The following GMCL1 variants were observed in gnomAD, a reference collection of about 807,000 sequenced individuals.
GMCL1 encodes germ cell-less 1, spermatogenesis associated.
GMCL1 carries 54 observed loss-of-function variants against 75.5 expected under a neutral mutation model. That is an observed-to-expected ratio of 0.71 (90% CI 0.57 to 0.90). The LOEUF is 0.90. Among genes scored for constraint, GMCL1 ranks in the 40% least tolerant of loss-of-function variants. The probability of loss-of-function intolerance (pLI) is 0.00; values close to 1 mark genes in which losing one functional copy is unlikely to be tolerated. For synonymous variants in GMCL1, 210 were observed against 209.6 expected, an observed-to-expected ratio of 1.00 and a Z score of -0.02; for missense variants, 537 against 622.7, an observed-to-expected ratio of 0.86 and a Z score of 1.47.
At chr2:69,832,966 C>T (rs1674716448) in intron 1 of GMCL1, among the ~76,000 whole-genome samples, 1 of 152,108 alleles carries the variant, frequency 6.6e-6, no homozygotes. Context: ...GGAATAGGTG[C>T]CCCCACCCCT....
chr2:69,866,800 T>C (rs976245263), intron 11 of GMCL1, among the ~76,000 whole-genome samples: 1 of 151,972 alleles, frequency 6.6e-6, no homozygotes, highest in African/African-American at 2.4e-5. Context: ...ATGTTCAGAG[T>C]ATAAAAGAAT....
At chr2:69,875,616 T>G (rs1459905127) in intron 13 of GMCL1, among the ~76,000 whole-genome samples, 1 of 152,210 alleles carries the variant, frequency 6.6e-6, no homozygotes, top group East Asian at 1.9e-4. Context: ...AGGTCTTCCC[T>G]TATGTCTGTC....
intron 8 of GMCL1, among the ~76,000 whole-genome samples, chr2:69,850,850 C>A (rs1229503065): frequency 6.6e-6 from 1 of 152,174 alleles, no homozygotes; most frequent in Non-Finnish European, 1.5e-5. Flanking sequence ...CTAGCAGCAA[C>A]ACGCCACTGT....
At chr2:69,845,394 G>A (rs12465485) in intron 6 of GMCL1, among the ~76,000 whole-genome samples, 4,561 of 152,236 alleles carry the variant, frequency 0.03, 453 homozygotes, top group Admixed American at 0.2. Context: ...GAAATATGGC[G>A]GTGACAATGA....
At chr2:69,849,466 T>C (rs771619749) in intron 7 of GMCL1, among the ~76,000 whole-genome samples, 186 bp from the exon 8 acceptor site, 5 of 152,192 alleles carry the variant, frequency 3.3e-5, no homozygotes, top group South Asian at 2.1e-4. Context: ...CACCCAGCCA[T>C]TGGACTATGA....
intron 4 of GMCL1, among the ~76,000 whole-genome samples, chr2:69,841,939 G>A (rs1290567423): frequency 6.6e-6 from 1 of 152,168 alleles, no homozygotes; most frequent in Non-Finnish European, 1.5e-5. Flanking sequence ...TTGCAGAAGA[G>A]GGGGGCAGAA....
chr2:69,831,565 CT>C (rs1674672718), intron 1 of GMCL1, among the ~76,000 whole-genome samples: 1 of 151,018 alleles, frequency 6.6e-6, no homozygotes, highest in African/African-American at 2.4e-5. Flanking sequence ...ACCCTGTAAC[CT>C]TTTTGAAGCG....
chr2:69,830,199 G>A (rs1050476902), intron 1 of GMCL1, 47 bp downstream of exon 1: 5 of 1,524,088 alleles, frequency 3.3e-6, no homozygotes, highest in Non-Finnish European at 4.4e-6. Flanking sequence ...GCACCTGTTG[G>A]GCCTGGGGCC....
chr2:69,841,764 T>C (rs961600329), intron 4 of GMCL1, among the ~76,000 whole-genome samples: 3 of 152,182 alleles, frequency 2.0e-5, no homozygotes, highest in Non-Finnish European at 2.9e-5. Flanking sequence ...AAAGTTACAT[T>C]TTCACACAGA....
chr2:69,849,699 G>C lies in GMCL1; in HGVS notation c.891G>C (p.Gln297His). 1 of 1,593,172 alleles carries C rather than the reference G, an allele frequency of 6.3e-7. No homozygotes were observed. Among genetic ancestry groups the C allele is most frequent in the Non-Finnish European group, 8.5e-7 (1 of 1,170,882 alleles). The change falls in exon 8 of 14, where the codon CAG (glutamine) becomes CAC (histidine). Residue 297 changes from glutamine (Q) to histidine (H), a missense_variant. By Grantham distance (24) the Gln-to-His change is conservative (BLOSUM62 0). Around this residue, in one of 3 missense-constraint regions of GMCL1, gnomAD observed 345 missense variants for 410.5 expected, o/e 0.84. Transcript: ENST00000282570. Reference sequence around the variant, plus strand: ...CTTCTTGGAATGGATCTTTAAAACAGCTTTTGACAGAAACAGATGTCTGGT... The same window carrying C: ...CTTCTTGGAATGGATCTTTAAAACACCTTTTGACAGAAACAGATGTCTGGT... Reference protein sequence around the residue: ...LVPSWNGSLKQLLTETDVWFS... With the variant: ...LVPSWNGSLKHLLTETDVWFS...
At chr2:69,857,352 A>T (rs1159873733) in intron 9 of GMCL1, among the ~76,000 whole-genome samples, 1 of 152,210 alleles carries the variant, frequency 6.6e-6, no homozygotes. Context: ...ACTGCAGATC[A>T]TCCTACAGCT....
At chr2:69,834,707 C>T (rs1315634704) in intron 1 of GMCL1, among the ~76,000 whole-genome samples, 2 of 152,044 alleles carry the variant, frequency 1.3e-5, no homozygotes, top group Non-Finnish European at 2.9e-5. Context: ...CTTTTAATGG[C>T]CTTGGTACTT....
In GMCL1 at chr2:69,871,780, T is replaced by TA; in HGVS notation, c.1402dup (p.Ile468AsnfsTer3). 1 of 1,590,956 alleles carries TA rather than the reference T, an allele frequency of 6.3e-7. No homozygotes were observed. The highest frequency in any genetic ancestry group is 1.1e-5 in the South Asian group (1 of 87,052). ...GCTTCTTTTGATAGTAGTGGAAAACTAATATGTAGTAGAACAACTGGCTAT... is the reference window on the plus strand; with the variant it reads ...GCTTCTTTTGATAGTAGTGGAAAACTAAATATGTAGTAGAACAACTGGCTAT... On this transcript the variant is annotated frameshift_variant, in exon 13 of 14. Transcript: ENST00000282570. LOFTEE classifies it high-confidence loss of function.
chr2:69,836,729 A>G (rs1674828646), intron 1 of GMCL1, among the ~76,000 whole-genome samples: 2 of 152,202 alleles, frequency 1.3e-5, no homozygotes, highest in African/African-American at 4.8e-5. Context: ...TAGTTACTGG[A>G]TCATTTTGAG....
intron 13 of GMCL1, among the ~76,000 whole-genome samples, chr2:69,872,908 T>C (rs1301562410): frequency 1.3e-5 from 2 of 152,206 alleles, no homozygotes; most frequent in African/African-American, 4.8e-5. Context: ...AAGATAATAG[T>C]TGTATTCCCA....
intron 6 of GMCL1, among the ~76,000 whole-genome samples, chr2:69,846,011 T>A (rs1180366274): frequency 6.6e-6 from 1 of 152,050 alleles, no homozygotes; most frequent in Non-Finnish European, 1.5e-5. Flanking sequence ...ATTTTTATGT[T>A]TAAATACATT....
chr2:69,861,343 G>A lies in GMCL1; in HGVS notation c.1138G>A (p.Val380Met), dbSNP rs754204506. ...AMLRAEQDSE[V>M]GPQEINKEEL... The stretch of plus-strand genomic sequence containing the variant: ...GCTGCGGGCAGAACAGGACAGTGAG[G>A]TGGGGTAAGTATATTATACCTTATC... Residue 380 changes from valine to methionine, a missense_variant, in exon 10 of 14, where the codon GTG becomes ATG. By Grantham distance (21) the Val-to-Met change is conservative. Coordinates refer to ENST00000282570, the MANE Select transcript of GMCL1 (RefSeq NM_178439.5). The A allele has an allele frequency of 1.2e-6, 2 of 1,602,504 alleles. No individual in the cohort carries two copies. Among genetic ancestry groups the A allele is most frequent in the Admixed American group, 3.4e-5 (2 of 59,670 alleles).
At chr2:69,861,855 G>T (rs1046171100) in intron 10 of GMCL1, among the ~76,000 whole-genome samples, 1 of 152,142 alleles carries the variant, frequency 6.6e-6, no homozygotes, top group African/African-American at 2.4e-5. Flanking sequence ...GGCTGAGGTG[G>T]GAGGATCACT....
At chr2:69,850,557 CAT>C (rs1675289376) in intron 8 of GMCL1, among the ~76,000 whole-genome samples, 1 of 152,148 alleles carries the variant, frequency 6.6e-6, no homozygotes, top group Non-Finnish European at 1.5e-5. Flanking sequence ...AGTCTTAACT[CAT>C]GTGCTTCTTT....
Sources: gnomAD v4.1 joint callset for allele counts (sites outside exome capture counted in the v4.1 genomes callset) on GRCh38, gnomAD v4.1.1 for gene constraint, gnomAD v4.1.1 regional missense constraint, MANE v1.5 for transcripts, NCBI Gene and HGNC (gene_info 2026-07-23, HGNC 2026-07-21) for gene names.